PASD1: variants seen among roughly 807,000 people sequenced by gnomAD.
PASD1 encodes PAS domain containing repressor 1.
Under a neutral mutation model 58.8 loss-of-function variants are expected in PASD1, and 13 were observed. That is an observed-to-expected ratio of 0.22 (90% confidence interval 0.14 to 0.35). The LOEUF is 0.35. Among genes scored for constraint, PASD1 ranks in the 10% least tolerant of loss-of-function variants. The pLI, the probability that PASD1 is intolerant of heterozygous loss-of-function variation, is 1.00. For missense variants in PASD1, 734 were observed against 568.3 expected (o/e 1.29, Z -2.96); for synonymous variants, 236 against 216.7 (o/e 1.09, Z -0.78).
At chrX:151,609,817 T>C (rs1458615111) in intron 3 of PASD1, among the ~76,000 whole-genome samples, 2 of 104,369 alleles carry the variant, frequency 1.9e-5, no homozygotes, top group Non-Finnish European at 4.0e-5. Flanking sequence ...TTTTTTTTTT[T>C]CACTATACAC....
At chrX:151,567,360 G>A (rs1216290174) in intron 1 of PASD1, among the ~76,000 whole-genome samples, 1 of 111,583 alleles carries the variant, frequency 9.0e-6, no homozygotes, top group African/African-American at 3.3e-5. Flanking sequence ...TTTTGGACCT[G>A]AGCATAAGGT....
chrX:151,620,484 A>C (rs2013691434), intron 4 of PASD1, among the ~76,000 whole-genome samples: 1 of 110,554 alleles, frequency 9.0e-6, no homozygotes, highest in Admixed American at 9.7e-5. Context: ...GCTGAAAATG[A>C]AGGAAGGCTC....
chrX:151,604,769 G>T, intron 3 of PASD1, 35 bp downstream of exon 3: 2 of 1,022,818 alleles, frequency 2.0e-6, no homozygotes. Context: ...TACTTCATAT[G>T]TTGAATACAT....
intron 8 of PASD1, among the ~76,000 whole-genome samples, chrX:151,632,783 G>A (rs892352134): frequency 9.0e-6 from 1 of 111,213 alleles, no homozygotes; most frequent in African/African-American, 3.3e-5. Flanking sequence ...GCCATTTACA[G>A]TTTGTGTGAT....
intron 4 of PASD1, among the ~76,000 whole-genome samples, chrX:151,613,630 T>A (rs1452671502): frequency 1.8e-5 from 2 of 111,694 alleles, no homozygotes; most frequent in Non-Finnish European, 3.8e-5. Context: ...TGTCTGATAT[T>A]GGTGTATGAG....
chrX:151,621,074 C>G (rs925924628), intron 5 of PASD1, 45 bp downstream of exon 5: 1 of 888,918 alleles, frequency 1.1e-6, no homozygotes, highest in African/African-American at 2.0e-5. Context: ...TTTTAAGGGA[C>G]AAGTAACAAT....
chrX:151,618,944 G>C (rs1351871138), intron 4 of PASD1, among the ~76,000 whole-genome samples: 3 of 111,502 alleles, frequency 2.7e-5, no homozygotes, highest in Non-Finnish European at 5.7e-5. Context: ...TATTCAGAAT[G>C]ACTTGGATAA....
At chrX:151,616,580 C>T (rs2013640434) in intron 4 of PASD1, among the ~76,000 whole-genome samples, 1 of 109,810 alleles carries the variant, frequency 9.1e-6, no homozygotes, top group South Asian at 3.9e-4. Context: ...TTCTTAGCAG[C>T]CTGCCCTCCT....
intron 4 of PASD1, among the ~76,000 whole-genome samples, chrX:151,612,101 GAAT>G (rs1323810152): frequency 1.0e-5 from 1 of 98,691 alleles, no homozygotes; most frequent in Non-Finnish European, 2.0e-5. Flanking sequence ...AGTTTGCTGA[GAAT>G]GATGGTTTCC....
At chrX:151,567,321 G>A (rs933899789) in intron 1 of PASD1, among the ~76,000 whole-genome samples, 32 of 110,774 alleles carry the variant, frequency 2.9e-4, no homozygotes, top group Admixed American at 2.6e-3. Flanking sequence ...GAGGAGCACC[G>A]GGACCAGGAG....
chrX:151,577,188 T>A (rs777970913), intron 1 of PASD1, among the ~76,000 whole-genome samples: 3 of 110,051 alleles, frequency 2.7e-5, no homozygotes, highest in South Asian at 7.8e-4. Context: ...AGAGAGAGAG[T>A]GAGAGAATGA....
At chrX:151,593,504 C>T (rs771859912) in intron 1 of PASD1, among the ~76,000 whole-genome samples, 1 of 102,174 alleles carries the variant, frequency 9.8e-6, no homozygotes, top group African/African-American at 3.7e-5. Context: ...GTATAGTTTT[C>T]TGTCCTTGTG....
At chrX:151,632,915 A>G (rs1356912134) in intron 8 of PASD1, among the ~76,000 whole-genome samples, 1 of 110,816 alleles carries the variant, frequency 9.0e-6, no homozygotes, top group Non-Finnish European at 1.9e-5. Context: ...TTTGTAAAAT[A>G]CTATGCAAAG....
intron 7 of PASD1, 100 bp from the exon 8 acceptor site, chrX:151,625,348 G>A: frequency 1.9e-6 from 1 of 534,789 alleles, no homozygotes; most frequent in Non-Finnish European, 2.9e-6. Flanking sequence ...CAGATTATTT[G>A]TAACATTGGA....
intron 11 of PASD1, among the ~76,000 whole-genome samples, chrX:151,667,353 T>C (rs1321655201): frequency 8.9e-6 from 1 of 111,740 alleles, no homozygotes; most frequent in Non-Finnish European, 1.9e-5. Flanking sequence ...CTGATGGTAG[T>C]TTCTTTTGCT....
chrX:151,608,630 A>G (rs1385938106), intron 3 of PASD1, among the ~76,000 whole-genome samples: 1 of 111,730 alleles, frequency 9.0e-6, no homozygotes, highest in East Asian at 2.8e-4. Context: ...TTATTTTAAA[A>G]GCTTTAACGT....
At chrX:151,668,880 C>T (rs2014422429) in intron 11 of PASD1, among the ~76,000 whole-genome samples, 1 of 105,838 alleles carries the variant, frequency 9.4e-6, no homozygotes, top group Non-Finnish European at 1.9e-5. Context: ...CATCCTGATA[C>T]CAAAGCCTGG....
chrX:151,665,028 G>A (rs1028191724), intron 11 of PASD1, among the ~76,000 whole-genome samples: 1 of 112,029 alleles, frequency 8.9e-6, no homozygotes, highest in Non-Finnish European at 1.9e-5. Flanking sequence ...TCAGTTACCT[G>A]GAATTGTGTG....
chrX:151,640,531 T>C (rs1005042832), intron 8 of PASD1, among the ~76,000 whole-genome samples: 3 of 111,991 alleles, frequency 2.7e-5, no homozygotes, highest in Non-Finnish European at 1.9e-5. Context: ...CTGTCCTCAG[T>C]TGGAAGGCTT....
Sources: allele counts gnomAD v4.1 joint callset (sites outside exome capture counted in the v4.1 genomes callset), GRCh38; gene constraint gnomAD v4.1.1; transcripts MANE v1.5; gene names NCBI Gene and HGNC (gene_info 2026-07-23, HGNC 2026-07-21).